Variants in SH2D3C observed in about 807,000 individuals in gnomAD.
SH2D3C encodes SH2 domain containing 3C.
A neutral mutation model predicts 75.2 loss-of-function variants in SH2D3C; 25 were observed. The ratio of observed to expected loss-of-function variants is 0.33; its 90% CI spans 0.24 to 0.46. The LOEUF is 0.46. SH2D3C is among the 20% of genes least tolerant of loss of function. The probability of loss-of-function intolerance (pLI) is 1.00; values close to 1 mark genes in which losing one functional copy is unlikely to be tolerated. For missense variants in SH2D3C, 933 were observed against 1,165.3 expected (o/e 0.80, Z 2.90); for synonymous variants, 450 against 473.7 (o/e 0.95, Z 0.65).
chr9:127,742,793 G>T lies in SH2D3C; in HGVS notation c.1916+56C>A, dbSNP rs1385113745. On this transcript the variant is annotated intron_variant, in intron 8 of 11. Transcript: ENST00000314830. ...ATTGGCCAACCCGCCCCGTCCAGCGGGGAGTGCGGTAGCCGGGGGTTCCCC... is the reference window on the plus strand; with the variant it reads ...ATTGGCCAACCCGCCCCGTCCAGCGTGGAGTGCGGTAGCCGGGGGTTCCCC... 6 of 1,396,980 alleles carry T rather than the reference G, an allele frequency of 4.3e-6. No homozygotes were observed. In the South Asian group the frequency reaches 6.3e-5, roughly 15 times the overall value. 86.5% of individuals were successfully genotyped at this position (1,396,980 alleles called of 1,614,324 possible).
At chr9:127,765,650 T>C (rs560147250) in intron 2 of SH2D3C, among the ~76,000 whole-genome samples, 22 of 152,308 alleles carry the variant, frequency 1.4e-4, no homozygotes, top group Non-Finnish European at 2.1e-4. Context: ...GCCTAGAATG[T>C]CTTTGCTCCC....
chr9:127,751,273 A>G lies in SH2D3C; in HGVS notation c.583T>C (p.Ser195Pro). Residue 195 changes from serine (S) to proline (P), a missense_variant, in exon 4 of 12, where the codon TCA becomes CCA. Coordinates refer to ENST00000314830, the MANE Select transcript of SH2D3C (RefSeq NM_170600.3). This position sits in a 1 kb window ranked among gnomAD's most constrained non-coding sequence, Gnocchi z 4.1. ...TCCTTGTGGAGTTTCTCTGGCGATG[A>G]GTCCAGGATGTACTTCTCCTTGGAG... Reference protein sequence around the residue: ...KFSKEKYILDSSPEKLHKELE... With the variant: ...KFSKEKYILDPSPEKLHKELE... 6.2e-7 allele frequency: 1 copy of G among 1,613,850 alleles called. No homozygotes were observed. Among genetic ancestry groups the G allele is most frequent in the Non-Finnish European group, 8.5e-7 (1 of 1,179,716 alleles).
At position 127,738,993 on chromosome 9, in the gene SH2D3C, C is replaced by A. The variant is rs1245642680; in HGVS notation, c.2408-72G>T. On this transcript the variant is annotated intron_variant, in intron 11 of 11. Coordinates refer to ENST00000314830, the MANE Select transcript of SH2D3C (RefSeq NM_170600.3). This position sits in a 1 kb window ranked among gnomAD's most constrained non-coding sequence, Gnocchi z 5.0. The stretch of plus-strand genomic sequence containing the variant: ...CCAGAGCCCTAGCATTCTTCAGGAC[C>A]CCCCTGTTAGGGACCTCCCCTCAAC... 5.8e-6 allele frequency: 8 copies of A among 1,385,640 alleles called. No homozygotes were observed. Among genetic ancestry groups the A allele is most frequent in the Non-Finnish European group, 7.6e-6 (8 of 1,054,416 alleles). The allele number at this position is 1,385,640 out of a possible 1,614,324, so 85.8% of individuals were successfully genotyped here.
rs1845412462 is a variant in SH2D3C, at chr9:127,757,421, C to T, written c.555+4190G>A. 3.3e-5 allele frequency among the ~76,000 whole-genome samples: 5 copies of T among 151,400 alleles called. No individual in the cohort carries two copies. The South Asian group carries it at 1.0e-3, about 32-fold the overall frequency. ...GAGTAGCTGGGACTACAGGTGCACACCACCATGCTCAGCTATTTTTTTTTT... is the reference window on the plus strand; with the variant it reads ...GAGTAGCTGGGACTACAGGTGCACATCACCATGCTCAGCTATTTTTTTTTT... On this transcript the variant is annotated intron_variant, in intron 3 of 11. Coordinates refer to ENST00000314830, the MANE Select transcript of SH2D3C (RefSeq NM_170600.3).
chr9:127,742,171 G>A (rs1287388960), intron 8 of SH2D3C, among the ~76,000 whole-genome samples: 2 of 152,126 alleles, frequency 1.3e-5, no homozygotes, highest in Non-Finnish European at 2.9e-5. Context: ...GGCGGGGCCA[G>A]AGCTGTGGGT....
intron 4 of SH2D3C, among the ~76,000 whole-genome samples, chr9:127,750,399 C>T (rs371511243): frequency 1.6e-4 from 24 of 152,184 alleles, no homozygotes; most frequent in East Asian, 1.5e-3. Flanking sequence ...AGGTGATCTG[C>T]CCACCTCAGC....
intron 4 of SH2D3C, among the ~76,000 whole-genome samples, chr9:127,750,122 G>A (rs1845155763): frequency 6.6e-6 from 1 of 151,658 alleles, no homozygotes; most frequent in Non-Finnish European, 1.5e-5. Context: ...TTCCTGCCTT[G>A]TCCATCTGAT....
chr9:127,738,479 C>T lies in SH2D3C; in HGVS notation c.*267G>A. 1 of 330,968 alleles carries T rather than the reference C, an allele frequency of 3.0e-6. No individual in the cohort carries two copies. The highest frequency in any genetic ancestry group is 5.5e-6 in the Non-Finnish European group (1 of 180,418). The allele number at this position is 330,968 out of a possible 1,614,324, so 20.5% of individuals were successfully genotyped here. Reference sequence around the variant, plus strand: ...CAGCCTGCCTCCCATGGCTCGAAAACAGGGAACCCCAGCAGGAAGGGGAGC... The same window carrying T: ...CAGCCTGCCTCCCATGGCTCGAAAATAGGGAACCCCAGCAGGAAGGGGAGC... On this transcript the variant is annotated 3_prime_UTR_variant, in exon 12 of 12. Transcript: ENST00000314830. This position sits in a 1 kb window ranked among gnomAD's most constrained non-coding sequence, Gnocchi z 5.0.
At chr9:127,771,467 T>C in intron 2 of SH2D3C, 1 of 948,722 alleles carries the variant, frequency 1.1e-6, no homozygotes, top group Non-Finnish European at 1.4e-6. Flanking sequence ...GCGGTCTCGC[T>C]CCGCCCCCTC....
chr9:127,754,865 A>T lies in SH2D3C; in HGVS notation c.556-3565T>A, dbSNP rs1441197983. On this transcript the variant is annotated intron_variant, in intron 3 of 11. Transcript: ENST00000314830. The surrounding 1 kb of genome is among the most constrained non-coding windows in gnomAD (Gnocchi z 4.4). ...ATCTACCGCAGCCCAGAGTCCCAGG[A>T]GTGGCCGCCGAACCCTCACCCCGCG... 1.0e-5 allele frequency: 5 copies of T among 500,892 alleles called. No homozygotes were observed. 31.0% of individuals were successfully genotyped at this position (500,892 alleles called of 1,614,324 possible). A position where few individuals can be genotyped will look rare whatever the true frequency, so the allele number is the denominator to read the frequency against.
intron 1 of SH2D3C, 123 bp downstream of exon 1, chr9:127,778,468 A>G: frequency 3.4e-6 from 3 of 890,560 alleles, no homozygotes. Context: ...GCAAAAAACA[A>G]AAAAAGAAAA....
At chr9:127,750,780 C>T (rs1467338298) in intron 4 of SH2D3C, among the ~76,000 whole-genome samples, 1 of 152,204 alleles carries the variant, frequency 6.6e-6, no homozygotes, top group Non-Finnish European at 1.5e-5. Flanking sequence ...AGAAACTCAA[C>T]TTTGCCAAAA....
intron 3 of SH2D3C, among the ~76,000 whole-genome samples, chr9:127,761,348 C>T (rs1037984592): frequency 6.6e-6 from 1 of 152,144 alleles, no homozygotes; most frequent in Non-Finnish European, 1.5e-5. Flanking sequence ...GTCCAGCTGG[C>T]AAGTGAGTGG....
At chr9:127,762,246 C>T (rs1258572655) in intron 2 of SH2D3C, 2 of 1,219,676 alleles carry the variant, frequency 1.6e-6, no homozygotes, top group Non-Finnish European at 2.1e-6. Flanking sequence ...CCTGGAGAGG[C>T]CAGAGGCCAG....
chr9:127,769,945 G>C lies in SH2D3C; in HGVS notation c.515+4045C>G, dbSNP rs557785002. Among the ~76,000 whole-genome samples the C allele has an allele frequency of 3.3e-5, 5 of 152,294 alleles. No individual in the cohort carries two copies. The South Asian group carries it at 6.2e-4, about 19-fold the overall frequency. On this transcript the variant is annotated intron_variant, in intron 2 of 11. Transcript: ENST00000314830. Reference sequence around the variant, plus strand: ...GTCAGGTGCTTGCTGGTTGTCAGCTGGTGATCATGCCTGGTGGGACCCTCG... The same window carrying C: ...GTCAGGTGCTTGCTGGTTGTCAGCTCGTGATCATGCCTGGTGGGACCCTCG...
At chr9:127,755,391 A>AGCCCCTC in intron 3 of SH2D3C, 1 of 323,838 alleles carries the variant, frequency 3.1e-6, no homozygotes, top group Non-Finnish European at 5.4e-6. Flanking sequence ...CCCCGCTCCC[A>AGCCCCTC]GCCCCTCGCC....
intron 3 of SH2D3C, 53 bp downstream of exon 3, chr9:127,761,558 A>T: frequency 7.6e-7 from 1 of 1,317,930 alleles, no homozygotes; most frequent in Non-Finnish European, 1.1e-6. Flanking sequence ...GTAATGGAGC[A>T]GGCTCTGAGA....
chr9:127,757,638 TGATGATG>T (rs1564419866), intron 3 of SH2D3C, among the ~76,000 whole-genome samples: 260 of 118,388 alleles, frequency 2.2e-3, no homozygotes, highest in African/African-American at 6.8e-3. Flanking sequence ...ATGATGATGA[TGATGATG>T]ATTATTATTA....
At chr9:127,753,684 G>C (rs77195606) in intron 3 of SH2D3C, among the ~76,000 whole-genome samples, 11,841 of 152,254 alleles carry the variant, frequency 0.078, 1,019 homozygotes, top group African/African-American at 0.21. Context: ...CTCACACCAG[G>C]CTAGTCCTCT....
Sources: gnomAD v4.1 joint callset for allele counts (sites outside exome capture counted in the v4.1 genomes callset) on GRCh38, gnomAD v4.1.1 for gene constraint, Gnocchi (gnomAD v3.1) non-coding constraint, MANE v1.5 for transcripts, NCBI Gene and HGNC (gene_info 2026-07-23, HGNC 2026-07-21) for gene names.